ATF7IP: variants seen among roughly 807,000 people sequenced by gnomAD.
The protein encoded by ATF7IP is activating transcription factor 7-interacting protein 1.
Under a neutral mutation model 106.4 loss-of-function variants are expected in ATF7IP, and 23 were observed. That is an observed-to-expected ratio of 0.22 (90% confidence interval 0.16 to 0.31). The LOEUF is 0.31. ATF7IP is among the 10% of genes least tolerant of loss of function. ATF7IP has a pLI of 1.00. For synonymous variants in ATF7IP, 542 were observed against 539.0 expected, an observed-to-expected ratio of 1.01 and a Z score of -0.08; for missense variants, 1,334 against 1,524.3, an observed-to-expected ratio of 0.88 and a Z score of 2.08.
In ATF7IP at chr12:14,497,978, T is replaced by A; in HGVS notation, c.3718T>A (p.Tyr1240Asn). ...CCAGTTTGTATCTGGTAGCAAATAC[T>A]ACTTTGCAGTACGAGCCAAGGATAT... ...LTQFVSGSKY[Y>N]FAVRAKDIYG... The change falls in exon 15 of 15, where the codon TAC becomes AAC. Residue 1240 changes from tyrosine to asparagine, a missense_variant. By Grantham distance (143) the Tyr-to-Asn change is moderately radical. Coordinates refer to ENST00000261168, the MANE Select transcript of ATF7IP (RefSeq NM_018179.5). 6.2e-7 allele frequency: 1 copy of A among 1,614,184 alleles called. No individual in the cohort carries two copies. Among genetic ancestry groups the A allele is most frequent in the Admixed American group, 1.7e-5 (1 of 60,032 alleles).
intron 4 of ATF7IP, among the ~76,000 whole-genome samples, chr12:14,436,525 C>T (rs1436507866): frequency 6.6e-6 from 1 of 152,092 alleles, no homozygotes; most frequent in African/African-American, 2.4e-5. Context: ...AACTCTGACT[C>T]TACTAAAAAT....
intron 1 of ATF7IP, among the ~76,000 whole-genome samples, chr12:14,379,280 C>A (rs1180100466): frequency 6.6e-6 from 1 of 152,154 alleles, no homozygotes; most frequent in Non-Finnish European, 1.5e-5. Flanking sequence ...CATGCTCCCC[C>A]TTTGCCTTCC....
At chr12:14,420,074 G>T (rs941088238) in intron 1 of ATF7IP, 1 of 152,116 alleles carries the variant, frequency 6.6e-6, no homozygotes, top group African/African-American at 2.4e-5. Context: ...AAAAAGTTAG[G>T]TTTACTATTT....
intron 1 of ATF7IP, among the ~76,000 whole-genome samples, chr12:14,412,718 GT>G (rs1235670098): frequency 6.7e-6 from 1 of 149,368 alleles, no homozygotes; most frequent in African/African-American, 2.5e-5. Flanking sequence ...TTTTTTTTAA[GT>G]TGTATGACTT....
rs905873645 is a variant in ATF7IP at position 14,500,873 on chromosome 12, A to G, written c.*2800A>G. 1.3e-5 allele frequency: 2 copies of G among 152,224 alleles called. No homozygotes were observed. Among genetic ancestry groups the G allele is most frequent in the Non-Finnish European group, 2.9e-5 (2 of 68,028 alleles). The allele number at this position is 152,224 out of a possible 1,614,324, so 9.4% of individuals were successfully genotyped here. The stretch of plus-strand genomic sequence containing the variant: ...AATAGGAATTCTAAAAATATTTACT[A>G]AAGTAAAATAACTACTTAAAATGTT... On this transcript the variant is annotated 3_prime_UTR_variant, in exon 15 of 15. Transcript: ENST00000261168.
In ATF7IP at chr12:14,393,419, T is replaced by C. The variant is rs114104342; in HGVS notation, c.-8+27592T>C. Among the ~76,000 whole-genome samples the C allele has an allele frequency of 4.4e-3, 663 of 152,296 alleles. 4 individuals carry two copies. Among genetic ancestry groups the C allele is most frequent in the African/African-American group, 0.015 (638 of 41,568 alleles). Reference sequence around the variant, plus strand: ...TTAATTTATGCATGAAATTGTATCATTATATTTGTCCCTATCACTTCATCT... The same window carrying C: ...TTAATTTATGCATGAAATTGTATCACTATATTTGTCCCTATCACTTCATCT... On this transcript the variant is annotated intron_variant, in intron 1 of 14. Transcript: ENST00000261168.
intron 11 of ATF7IP, among the ~76,000 whole-genome samples, chr12:14,477,684 A>G (rs1415283767): frequency 6.6e-6 from 1 of 152,142 alleles, no homozygotes; most frequent in Non-Finnish European, 1.5e-5. Flanking sequence ...CTTGGGTTTT[A>G]TTTACATTTA....
At chr12:14,486,381 TG>T (rs1202562846) in intron 13 of ATF7IP, among the ~76,000 whole-genome samples, 1 of 151,984 alleles carries the variant, frequency 6.6e-6, no homozygotes, top group African/African-American at 2.4e-5. Flanking sequence ...GAGATCTCCT[TG>T]GGGAAGGATG....
At chr12:14,440,754 C>T (rs887984062) in intron 5 of ATF7IP, among the ~76,000 whole-genome samples, 2 of 152,210 alleles carry the variant, frequency 1.3e-5, no homozygotes, top group Non-Finnish European at 2.9e-5. Context: ...ACGTTTTGCC[C>T]ATTAAGCATT....
chr12:14,453,509 A>AATT (rs1943286789), intron 6 of ATF7IP, among the ~76,000 whole-genome samples: 1 of 151,742 alleles, frequency 6.6e-6, no homozygotes, highest in African/African-American at 2.4e-5. Flanking sequence ...TCAGCTTTTT[A>AATT]ATTTGTATTA....
intron 2 of ATF7IP, among the ~76,000 whole-genome samples, chr12:14,431,937 C>A (rs1270936999): frequency 6.6e-6 from 1 of 152,120 alleles, no homozygotes; most frequent in African/African-American, 2.4e-5. Flanking sequence ...CTTTCCGTTA[C>A]AAAAAACTCT....
In ATF7IP at chr12:14,446,984, TC is replaced by T; in HGVS notation, c.1930-3del. 1.9e-6 allele frequency: 3 copies of T among 1,556,280 alleles called. No homozygotes were observed. The highest frequency in any genetic ancestry group is 2.1e-5 in the Admixed American group (1 of 47,410). The stretch of plus-strand genomic sequence containing the variant: ...TTCATTTTTGTCTTTTTTTTTTTTT[TC>T]AGGCCAAGATAGCCAGGTTAACCAA... On this transcript the variant is annotated splice_polypyrimidine_tract_variant and splice_region_variant and intron_variant, in intron 5 of 14. Coordinates refer to ENST00000261168, the MANE Select transcript of ATF7IP (RefSeq NM_018179.5).
intron 13 of ATF7IP, among the ~76,000 whole-genome samples, chr12:14,484,929 A>T (rs12315927): frequency 0.018 from 2,716 of 152,228 alleles, 45 homozygotes; most frequent in Middle Eastern, 0.065. Context: ...GATGACCCAT[A>T]GTCAAATGTT....
At chr12:14,457,589 G>A (rs1401037717) in intron 8 of ATF7IP, among the ~76,000 whole-genome samples, 1 of 152,006 alleles carries the variant, frequency 6.6e-6, no homozygotes, top group South Asian at 2.1e-4. Context: ...TCATAGATAA[G>A]TATATGTGAA....
chr12:14,393,509 A>G (rs1939686354), intron 1 of ATF7IP, among the ~76,000 whole-genome samples: 1 of 151,586 alleles, frequency 6.6e-6, no homozygotes. Flanking sequence ...ATCATTGATA[A>G]CCTAGATAAT....
At chr12:14,452,773 T>TA (rs1327281424) in intron 6 of ATF7IP, among the ~76,000 whole-genome samples, 2 of 152,200 alleles carry the variant, frequency 1.3e-5, no homozygotes, top group African/African-American at 4.8e-5. Flanking sequence ...CAGGATTCTG[T>TA]ATTTTTCTCC....
At chr12:14,428,090 A>G (rs922407280) in intron 2 of ATF7IP, among the ~76,000 whole-genome samples, 1 of 152,166 alleles carries the variant, frequency 6.6e-6, no homozygotes, top group Non-Finnish European at 1.5e-5. Flanking sequence ...AAGTGTCTAT[A>G]CAGAGTGTGG....
chr12:14,424,770 T>C lies in ATF7IP; in HGVS notation c.855T>C (p.Phe285=). 6.2e-7 allele frequency: 1 copy of C among 1,614,166 alleles called. No homozygotes were observed. The highest frequency in any genetic ancestry group is 8.5e-7 in the Non-Finnish European group (1 of 1,180,030). The change falls in exon 2 of 15, where the codon TTT becomes TTC. Residue 285 remains phenylalanine (F), a synonymous_variant. Coordinates refer to ENST00000261168, the MANE Select transcript of ATF7IP (RefSeq NM_018179.5). ...ASDELTSEST[F]DRTFEPKSVP... ...ATGAGCTGACTTCTGAATCAACCTT[T>C]GATCGTACCTTTGAACCAAAGTCTG...
Position 14,434,323 on chromosome 12 carries a change from A to G in ATF7IP, c.1559-14A>G, listed in dbSNP as rs764643907. 1.9e-5 allele frequency: 27 copies of G among 1,423,910 alleles called. No homozygotes were observed. The highest frequency in any genetic ancestry group is 3.7e-5 in the Admixed American group (2 of 53,364). 88.2% of individuals were successfully genotyped at this position (1,423,910 alleles called of 1,614,324 possible). ...TAGTAGAAGTAAGATTTTCTTTTCT[A>G]TATTTGTTAACAGCAGAAGTAGAAA... On this transcript the variant is annotated splice_polypyrimidine_tract_variant and intron_variant, in intron 2 of 14. Transcript: ENST00000261168.
Sources: gnomAD v4.1 joint callset for allele counts (sites outside exome capture counted in the v4.1 genomes callset) on GRCh38, gnomAD v4.1.1 for gene constraint, MANE v1.5 for transcripts, NCBI Gene and HGNC (gene_info 2026-07-23, HGNC 2026-07-21) for gene names.